ATP8B2: variants seen among roughly 807,000 people sequenced by gnomAD.
ATP8B2 encodes phospholipid-transporting ATPase ID.
ATP8B2 carries 70 observed loss-of-function variants against 133.4 expected under a neutral mutation model. The ratio of observed to expected loss-of-function variants is 0.52; its 90% CI spans 0.43 to 0.64. The LOEUF (loss-of-function observed/expected upper bound fraction) is 0.64, where lower values mean the gene tolerates loss of function less well. ATP8B2 is among the 30% of genes least tolerant of loss of function. The pLI is 0.00. For missense variants in ATP8B2, 1,101 were observed against 1,535.7 expected, an observed-to-expected ratio of 0.72 and a Z score of 4.73; for synonymous variants, 517 against 589.5, an observed-to-expected ratio of 0.88 and a Z score of 1.78.
chr1:154,331,874 T>A lies in ATP8B2; in HGVS notation c.439-80T>A. On this transcript the variant is annotated intron_variant, in intron 7 of 27. Coordinates refer to ENST00000368489, the MANE Select transcript of ATP8B2 (RefSeq NM_001370597.1). The surrounding 1 kb of genome is among the most constrained non-coding windows in gnomAD (Gnocchi z 4.8). ...CTGGAACTAAGCAAACCAAGAATGC[T>A]TAGTGGAAGGAGCCACCATTACAGC... 3 of 1,448,856 alleles carry A rather than the reference T, an allele frequency of 2.1e-6. No individual in the cohort carries two copies. The highest frequency in any genetic ancestry group is 2.9e-6 in the Non-Finnish European group (3 of 1,031,040). 89.8% of individuals were successfully genotyped at this position (1,448,856 alleles called of 1,614,324 possible).
chr1:154,344,093 A>C lies in ATP8B2; in HGVS notation c.1923+36A>C. On this transcript the variant is annotated intron_variant, in intron 18 of 27. Transcript: ENST00000368489. This position sits in a 1 kb window ranked among gnomAD's most constrained non-coding sequence, Gnocchi z 4.1. Reference sequence around the variant, plus strand: ...CGGGACGGGCCAAGGATGGGCACGGAGGGCTCATGCCTGCAATTCTTGTGC... The same window carrying C: ...CGGGACGGGCCAAGGATGGGCACGGCGGGCTCATGCCTGCAATTCTTGTGC... 1 of 1,614,172 alleles carries C rather than the reference A, an allele frequency of 6.2e-7. No homozygotes were observed.
In ATP8B2 at chr1:154,340,773, A is replaced by AG; in HGVS notation, c.1035-78dup. On this transcript the variant is annotated intron_variant, in intron 12 of 27. Transcript: ENST00000368489. This position sits in a 1 kb window ranked among gnomAD's most constrained non-coding sequence, Gnocchi z 4.0. ...TCCGTTCTTGTCTCTCCCCAGGCGG[A>AG]GGGCCTGCAGCGAAGGCCCATGTGG... The AG allele has an allele frequency of 7.7e-7, 1 of 1,303,472 alleles. No homozygotes were observed. The highest frequency in any genetic ancestry group is 1.1e-6 in the Non-Finnish European group (1 of 906,568). The allele number at this position is 1,303,472 out of a possible 1,614,324, so 80.7% of individuals were successfully genotyped here. A position where few individuals can be genotyped will look rare whatever the true frequency, so the allele number is the denominator to read the frequency against.
At chr1:154,336,167 T>G (rs941173894) in intron 11 of ATP8B2, among the ~76,000 whole-genome samples, 2 of 152,156 alleles carry the variant, frequency 1.3e-5, no homozygotes, top group Non-Finnish European at 2.9e-5. Flanking sequence ...ATGTTAAAAG[T>G]AGCTCATCCC....
At chr1:154,326,750 G>A (rs1268667999) in intron 1 of ATP8B2, among the ~76,000 whole-genome samples, 4 of 152,216 alleles carry the variant, frequency 2.6e-5, no homozygotes, top group Non-Finnish European at 5.9e-5. Flanking sequence ...AAACTCAGAT[G>A]TTTAGGCTGA....
intron 9 of ATP8B2, among the ~76,000 whole-genome samples, chr1:154,333,881 C>A (rs1054481058): frequency 6.6e-6 from 1 of 152,086 alleles, no homozygotes; most frequent in African/African-American, 2.4e-5. Context: ...CTGATCCACC[C>A]GCCTTAGCCT....
chr1:154,334,098 C>G lies in ATP8B2; in HGVS notation c.590-9C>G. On this transcript the variant is annotated splice_polypyrimidine_tract_variant and intron_variant, in intron 9 of 27. Coordinates refer to ENST00000368489, the MANE Select transcript of ATP8B2 (RefSeq NM_001370597.1). This position sits in a 1 kb window ranked among gnomAD's most constrained non-coding sequence, Gnocchi z 4.6. ...ACCTTAAGCAGTGGAATTCTTGTCT[C>G]CTGTTCAGGTGAAGTGATCTGTGAA... 1 of 1,613,768 alleles carries G rather than the reference C, an allele frequency of 6.2e-7. No homozygotes were observed. Among genetic ancestry groups the G allele is most frequent in the South Asian group, 1.1e-5 (1 of 91,068 alleles).
At chr1:154,329,224 T>C in intron 2 of ATP8B2, 1 of 762,484 alleles carries the variant, frequency 1.3e-6, no homozygotes, top group South Asian at 1.8e-5. Context: ...AGTCCCTACC[T>C]TCTTCGTTTG....
Position 154,341,060 on chromosome 1 carries a change from A to T in ATP8B2, c.1241A>T (p.Tyr414Phe). The T allele has an allele frequency of 6.2e-7, 1 of 1,614,066 alleles. No individual in the cohort carries two copies. Among genetic ancestry groups the T allele is most frequent in the Non-Finnish European group, 8.5e-7 (1 of 1,179,956 alleles). Residue 414 changes from tyrosine to phenylalanine, a missense_variant and splice_region_variant, in exon 13 of 28, where the codon TAT (tyrosine) becomes TTT (phenylalanine). Coordinates refer to ENST00000368489, the MANE Select transcript of ATP8B2 (RefSeq NM_001370597.1). ...AAGTGCTCCATCAATGGCCACAGCT[A>T]TGGTATGGTGGCACCACTGGGGACT... Reference protein sequence around the residue: ...FNKCSINGHSYGDVFDVLGHK... With the variant: ...FNKCSINGHSFGDVFDVLGHK...
rs770520944 is a variant in ATP8B2 at position 154,346,332 on chromosome 1, G to A, written c.2880G>A (p.Gln960=). 3 of 1,613,702 alleles carry A rather than the reference G, an allele frequency of 1.9e-6. No homozygotes were observed. Among genetic ancestry groups the A allele is most frequent in the East Asian group, 4.5e-5 (2 of 44,842 alleles). ...GGGAGTTCTTCATCTGCATCGCCCA[G>A]GGCATCTACACCTCCGTGCTCATGT... ...NKREFFICIA[Q]GIYTSVLMFF... Residue 960 remains glutamine (Q), a synonymous_variant, in exon 25 of 28, where the codon CAG becomes CAA. Coordinates refer to ENST00000368489, the MANE Select transcript of ATP8B2 (RefSeq NM_001370597.1). The surrounding 1 kb of genome is among the most constrained non-coding windows in gnomAD (Gnocchi z 4.5).
In ATP8B2 at chr1:154,325,573, CCCCGGGGGAG is replaced by C. The variant is rs1685756371; in HGVS notation, c.-165_-156del. The C allele has an allele frequency of 6.6e-6, 1 of 152,094 alleles. No homozygotes were observed. The highest frequency in any genetic ancestry group is 1.5e-5 in the Non-Finnish European group (1 of 67,984). The allele number at this position is 152,094 out of a possible 1,614,324, so 9.4% of individuals were successfully genotyped here. A position where few individuals can be genotyped will look rare whatever the true frequency, so the allele number is the denominator to read the frequency against. ...ACTGACACAAAGTAGCGGGCCGAGG[CCCCGGGGGAG>C]CGGGGCCGCAGCTGGGGGGGCGGGA... is the stretch of plus-strand genomic sequence containing the variant. On this transcript the variant is annotated 5_prime_UTR_variant, in exon 1 of 28. Coordinates refer to ENST00000368489, the MANE Select transcript of ATP8B2 (RefSeq NM_001370597.1).
Position 154,344,711 on chromosome 1 carries a change from T to G in ATP8B2, c.2212T>G (p.Ser738Ala). Residue 738 changes from serine to alanine, a missense_variant, in exon 21 of 28, where the codon TCT becomes GCT. By Grantham distance (99) the Ser-to-Ala change is moderately conservative. Coordinates refer to ENST00000368489, the MANE Select transcript of ATP8B2 (RefSeq NM_001370597.1). The surrounding 1 kb of genome is among the most constrained non-coding windows in gnomAD (Gnocchi z 4.1). ...CGGCTTCACCTATCAGGACAAGCTT[T>G]CTTCTTCCAAGCTAACTTCTGTCCT... ...GNGFTYQDKL[S>A]SSKLTSVLEA... The G allele has an allele frequency of 2.5e-6, 4 of 1,612,138 alleles. No homozygotes were observed. The highest frequency in any genetic ancestry group is 3.4e-6 in the Non-Finnish European group (4 of 1,178,320).
At chr1:154,348,116 G>A (rs1686655946) in intron 26 of ATP8B2, among the ~76,000 whole-genome samples, 1 of 152,186 alleles carries the variant, frequency 6.6e-6, no homozygotes. Flanking sequence ...GGCATTTCCT[G>A]AGTTGAGAAA....
rs530459501 is a variant in ATP8B2 at position 154,345,017 on chromosome 1, C to G, written c.2333C>G (p.Ala778Gly). 61 of 1,614,080 alleles carry G rather than the reference C, an allele frequency of 3.8e-5. No individual in the cohort carries two copies. In the South Asian group the frequency reaches 6.7e-4, roughly 18 times the overall value. Residue 778 changes from alanine to glycine, a missense_variant, in exon 22 of 28, where the codon GCG becomes GGG. Physicochemically the swap from Ala to Gly is moderately conservative, Grantham distance 60 (BLOSUM62 0). Coordinates refer to ENST00000368489, the MANE Select transcript of ATP8B2 (RefSeq NM_001370597.1). This position sits in a 1 kb window ranked among gnomAD's most constrained non-coding sequence, Gnocchi z 5.6. ...ADMELEFLET[A>G]CACKAVICCR... ...ATGGAGCTGGAGTTTCTGGAGACAG[C>G]GTGTGCCTGCAAAGCTGTCATCTGC... is the stretch of plus-strand genomic sequence containing the variant.
Position 154,337,807 on chromosome 1 carries a change from G to C in ATP8B2, c.1034+263G>C, listed in dbSNP as rs1686242607. ...TTACATGCCTACTGTGTACAAAGAA[G>C]TGTGCTAGGTGCCATCACAAATAAA... On this transcript the variant is annotated intron_variant, in intron 12 of 27. Coordinates refer to ENST00000368489, the MANE Select transcript of ATP8B2 (RefSeq NM_001370597.1). The C allele has an allele frequency of 3.8e-6, 5 of 1,299,102 alleles. No homozygotes were observed. The South Asian group carries it at 5.1e-5, about 13-fold the overall frequency. 80.5% of individuals were successfully genotyped at this position (1,299,102 alleles called of 1,614,324 possible).
In ATP8B2 at chr1:154,340,835, C is replaced by T. The variant is rs1333740205; in HGVS notation, c.1035-19C>T. On this transcript the variant is annotated intron_variant, in intron 12 of 27. Coordinates refer to ENST00000368489, the MANE Select transcript of ATP8B2 (RefSeq NM_001370597.1). This position sits in a 1 kb window ranked among gnomAD's most constrained non-coding sequence, Gnocchi z 4.0. ...CCTCTTCTTCCCGACCCAAGCCTCA[C>T]CTCTTGTCCCCTGTGCAGTGTGGAG... The T allele has an allele frequency of 6.2e-7, 1 of 1,613,256 alleles. No homozygotes were observed. The highest frequency in any genetic ancestry group is 1.3e-5 in the African/African-American group (1 of 75,030).
chr1:154,330,479 C>G, intron 3 of ATP8B2, 25 bp downstream of exon 3: 1 of 1,611,284 alleles, frequency 6.2e-7, no homozygotes, highest in South Asian at 1.1e-5. Flanking sequence ...ACCACCTGTT[C>G]CCTCTCTCTG....
chr1:154,330,972 T>G, intron 4 of ATP8B2, 44 bp downstream of exon 4: 1 of 1,601,570 alleles, frequency 6.2e-7, no homozygotes, highest in Non-Finnish European at 8.6e-7. Flanking sequence ...CCAAACTGAA[T>G]AAAGCCAAGG....
chr1:154,340,990 T>G lies in ATP8B2; in HGVS notation c.1171T>G (p.Ser391Ala). The G allele has an allele frequency of 6.2e-7, 1 of 1,614,146 alleles. No individual in the cohort carries two copies. The highest frequency in any genetic ancestry group is 1.1e-5 in the South Asian group (1 of 91,080). ...GCTGGGCCAGGTGGAGTACATCTTC[T>G]CCGACAAGACGGGCACCCTCACCCA... is the stretch of plus-strand genomic sequence containing the variant. The part of the protein sequence containing the change: ...EELGQVEYIF[S>A]DKTGTLTQNI... Residue 391 changes from serine (S) to alanine (A), a missense_variant, in exon 13 of 28, where the codon TCC becomes GCC. Physicochemically the swap from Ser to Ala is moderately conservative, Grantham distance 99. Coordinates refer to ENST00000368489, the MANE Select transcript of ATP8B2 (RefSeq NM_001370597.1). The surrounding 1 kb of genome is among the most constrained non-coding windows in gnomAD (Gnocchi z 4.0).
In ATP8B2 at chr1:154,328,263, T is replaced by G. The variant is rs1243262367; in HGVS notation, c.31+91T>G. 4.4e-6 allele frequency: 6 copies of G among 1,377,206 alleles called. No individual in the cohort carries two copies. The highest frequency in any genetic ancestry group is 6.2e-6 in the Non-Finnish European group (6 of 967,264). 85.3% of individuals were successfully genotyped at this position (1,377,206 alleles called of 1,614,324 possible). ...GCAAAAGGAAAAGGGACAACTGGTA[T>G]GGGTCTGAGGGAGGGTAGCTTACAG... is the stretch of plus-strand genomic sequence containing the variant. On this transcript the variant is annotated intron_variant, in intron 2 of 27. Transcript: ENST00000368489. The surrounding 1 kb of genome is among the most constrained non-coding windows in gnomAD (Gnocchi z 4.6).
Sources: gnomAD v4.1 joint callset for allele counts (sites outside exome capture counted in the v4.1 genomes callset) on GRCh38, gnomAD v4.1.1 for gene constraint, Gnocchi (gnomAD v3.1) non-coding constraint, MANE v1.5 for transcripts, NCBI Gene and HGNC (gene_info 2026-07-23, HGNC 2026-07-21) for gene names.